The following FGGY variants were observed in gnomAD, a reference collection of about 807,000 sequenced individuals.
The protein encoded by FGGY is FGGY carbohydrate kinase domain containing.
In FGGY, 72 loss-of-function variants were observed where a neutral mutation model predicts 71.3. That is an observed-to-expected ratio of 1.01 (90% CI 0.84 to 1.23). FGGY has a LOEUF of 1.23. Ranked by LOEUF, FGGY falls within the 50% of genes most tolerant of loss-of-function variation. FGGY has a pLI of 0.00. For missense variants in FGGY, 668 were observed against 682.3 expected, an observed-to-expected ratio of 0.98 and a Z score of 0.23; for synonymous variants, 251 against 250.3, an observed-to-expected ratio of 1.00 and a Z score of -0.02.
rs548817008 is a variant in FGGY, at chr1:59,507,043, C to T, written c.671-5268C>T. Among the ~76,000 whole-genome samples, 24 of 152,268 alleles carry T rather than the reference C, an allele frequency of 1.6e-4. No individual in the cohort carries two copies. The East Asian group carries it at 3.9e-3, about 24-fold the overall frequency. ...CAGTTTAACTGTGCAAAGAATGATT[C>T]ATGAATTGGGCAGGTCCCCAACCAG... On this transcript the variant is annotated intron_variant, in intron 6 of 15. Coordinates refer to ENST00000303721, the MANE Select transcript of FGGY (RefSeq NM_018291.5).
At chr1:59,685,805 A>G (rs2097539567) in intron 14 of FGGY, among the ~76,000 whole-genome samples, 1 of 152,104 alleles carries the variant, frequency 6.6e-6, no homozygotes. Flanking sequence ...CCCAGGCTGG[A>G]GCGCAGTGAC....
chr1:59,405,195 A>G (rs868078940), intron 5 of FGGY, among the ~76,000 whole-genome samples: 31 of 152,208 alleles, frequency 2.0e-4, no homozygotes, highest in Admixed American at 5.2e-4. Flanking sequence ...TGAAGGCATG[A>G]GCAAGAGGAG....
intron 5 of FGGY, among the ~76,000 whole-genome samples, chr1:59,423,962 T>C (rs1276199176): frequency 3.9e-5 from 6 of 152,250 alleles, no homozygotes; most frequent in African/African-American, 1.4e-4. Context: ...CTCTAGGCTA[T>C]GGTGCCCTCC....
Position 59,727,113 on chromosome 1 carries a change from G to C in FGGY, c.1513-30818G>C, listed in dbSNP as rs535859374. On this transcript the variant is annotated intron_variant, in intron 14 of 15. Transcript: ENST00000303721. ...TATGTCCATGTCTGCTCAGTGTTTA[G>C]TTCCCACTGACAAGTGAGAATATGT... 2.1e-3 allele frequency among the ~76,000 whole-genome samples: 320 copies of C among 152,200 alleles called. 1 individual carries two copies. The highest frequency in any genetic ancestry group is 7.4e-3 in the African/African-American group (306 of 41,540).
chr1:59,597,741 A>G (rs1043857721), intron 8 of FGGY, among the ~76,000 whole-genome samples: 4 of 152,226 alleles, frequency 2.6e-5, no homozygotes, highest in African/African-American at 9.7e-5. Flanking sequence ...GTCACACAGC[A>G]GAGACTCTCG....
At chr1:59,757,078 C>T (rs1049381246) in intron 14 of FGGY, among the ~76,000 whole-genome samples, 2 of 152,090 alleles carry the variant, frequency 1.3e-5, no homozygotes, top group African/African-American at 4.8e-5. Flanking sequence ...GCATCCTTAG[C>T]AATAGGAATT....
At chr1:59,451,380 GT>G (rs137934650) in intron 5 of FGGY, among the ~76,000 whole-genome samples, 20 of 146,616 alleles carry the variant, frequency 1.4e-4, no homozygotes, top group Admixed American at 6.1e-4. Flanking sequence ...GTTGTTGTTT[GT>G]TTTTTTTTTG....
At chr1:59,573,811 A>G (rs1035016157) in intron 8 of FGGY, among the ~76,000 whole-genome samples, 2 of 152,172 alleles carry the variant, frequency 1.3e-5, no homozygotes, top group African/African-American at 4.8e-5. Flanking sequence ...TCATCTTTCC[A>G]GTAATAAAAG....
chr1:59,476,126 A>G (rs1190904294), intron 6 of FGGY, among the ~76,000 whole-genome samples: 1 of 152,092 alleles, frequency 6.6e-6, no homozygotes, highest in Non-Finnish European at 1.5e-5. Flanking sequence ...CAAAATATTC[A>G]CATGGTCTAC....
intron 6 of FGGY, among the ~76,000 whole-genome samples, chr1:59,458,443 T>C (rs2091913914): frequency 6.6e-6 from 1 of 152,336 alleles, no homozygotes; most frequent in South Asian, 2.1e-4. Context: ...AAATCTGTAA[T>C]GATATTTACT....
At chr1:59,359,356 C>T (rs991638529) in intron 4 of FGGY, among the ~76,000 whole-genome samples, 1 of 152,080 alleles carries the variant, frequency 6.6e-6, no homozygotes, top group Non-Finnish European at 1.5e-5. Context: ...TTTAGCTGTT[C>T]AAAGTTAGAC....
intron 7 of FGGY, among the ~76,000 whole-genome samples, chr1:59,536,822 A>C (rs1022799384): frequency 6.6e-6 from 1 of 152,208 alleles, no homozygotes; most frequent in African/African-American, 2.4e-5. Flanking sequence ...ACTCTCAATA[A>C]ATTAGATATT....
chr1:59,381,472 A>G (rs2059431852), intron 5 of FGGY, among the ~76,000 whole-genome samples: 1 of 152,070 alleles, frequency 6.6e-6, no homozygotes, highest in Non-Finnish European at 1.5e-5. Context: ...AAAAGCTGAG[A>G]TACAAACATA....
intron 14 of FGGY, among the ~76,000 whole-genome samples, chr1:59,676,304 C>G (rs1226716364): frequency 6.6e-6 from 1 of 152,068 alleles, no homozygotes; most frequent in African/African-American, 2.4e-5. Context: ...ATGAAGGTCT[C>G]TCTGGGTCTA....
At chr1:59,313,346 T>G (rs1343438676) in intron 1 of FGGY, among the ~76,000 whole-genome samples, 3 of 152,170 alleles carry the variant, frequency 2.0e-5, no homozygotes, top group African/African-American at 7.2e-5. Flanking sequence ...TTGTTAAAAT[T>G]AGAGATAATG....
At chr1:59,573,096 T>G (rs2096014257) in intron 8 of FGGY, among the ~76,000 whole-genome samples, 1 of 152,046 alleles carries the variant, frequency 6.6e-6, no homozygotes, top group Non-Finnish European at 1.5e-5. Flanking sequence ...CCTCTAGTCT[T>G]CAAAAATGCC....
chr1:59,471,942 G>A (rs889283733), intron 6 of FGGY, among the ~76,000 whole-genome samples: 1 of 152,260 alleles, frequency 6.6e-6, no homozygotes, highest in Non-Finnish European at 1.5e-5. Flanking sequence ...GAAAATTGGA[G>A]TGGTAGTGAG....
intron 13 of FGGY, among the ~76,000 whole-genome samples, chr1:59,672,819 T>C (rs935031460): frequency 1.1e-4 from 17 of 152,312 alleles, no homozygotes; most frequent in Admixed American, 1.0e-3. Flanking sequence ...CTCTGTAAAG[T>C]TTGCTGCCAT....
At chr1:59,334,250 C>T (rs1271009054) in intron 2 of FGGY, among the ~76,000 whole-genome samples, 1 of 152,160 alleles carries the variant, frequency 6.6e-6, no homozygotes, top group African/African-American at 2.4e-5. Flanking sequence ...TGAAGCAGTT[C>T]TCCTGCCTCA....
Sources: allele counts gnomAD v4.1 joint callset (sites outside exome capture counted in the v4.1 genomes callset), GRCh38; gene constraint gnomAD v4.1.1; transcripts MANE v1.5; gene names NCBI Gene and HGNC (gene_info 2026-07-23, HGNC 2026-07-21).